Variants in IHO1 observed in about 807,000 individuals in gnomAD.
The protein encoded by IHO1 is interactor of HORMAD1 1, also known as interactor of HORMAD1 protein 1.
In IHO1, 13 loss-of-function variants were observed where a neutral mutation model predicts 31.0. The ratio of observed to expected loss-of-function variants is 0.42; its 90% CI spans 0.27 to 0.67. The LOEUF (loss-of-function observed/expected upper bound fraction) is 0.67. Among genes scored for constraint, IHO1 ranks in the 30% least tolerant of loss-of-function variants. The pLI is 0.24. For missense variants in IHO1, 599 were observed against 687.5 expected (o/e 0.87, Z 1.44); for synonymous variants, 221 against 248.4 (o/e 0.89, Z 1.04).
rs1049431249 is a variant in IHO1, at chr3:49,201,313, A to C, written c.-16+1740A>C. 4.6e-5 allele frequency among the ~76,000 whole-genome samples: 7 copies of C among 151,266 alleles called. 1 individual carries two copies. Among genetic ancestry groups the C allele is most frequent in the African/African-American group, 1.7e-4 (7 of 41,388 alleles). On this transcript the variant is annotated intron_variant, in intron 1 of 7. Transcript: ENST00000452691. ...CGGCCATTTACCACAATTTTTAAAAATTGGGCCGAGTTGGCTGTGCGCGGT... is the reference window on the plus strand; with the variant it reads ...CGGCCATTTACCACAATTTTTAAAACTTGGGCCGAGTTGGCTGTGCGCGGT...
intron 4 of IHO1, 135 bp downstream of exon 4, chr3:49,241,524 G>A: frequency 1.6e-6 from 1 of 642,240 alleles, no homozygotes; most frequent in Non-Finnish European, 2.6e-6. Context: ...CAAACCATAG[G>A]ACTTACACAC....
In IHO1 at chr3:49,255,505, C is replaced by T. The variant is rs753787087; in HGVS notation, c.636+12C>T. 12 of 1,541,034 alleles carry T rather than the reference C, an allele frequency of 7.8e-6. No individual in the cohort carries two copies. In the Admixed American group the frequency reaches 1.9e-4, roughly 24 times the overall value. On this transcript the variant is annotated intron_variant, in intron 7 of 7. Coordinates refer to ENST00000452691, the MANE Select transcript of IHO1 (RefSeq NM_001135197.2). ...AAAGATTTGAAGCTGTAAGTGTAAA[C>T]CCCAACCTCTTTCTAAGTGTGTTTT...
intron 2 of IHO1, among the ~76,000 whole-genome samples, chr3:49,223,137 C>A (rs1343397626): frequency 6.6e-6 from 1 of 152,116 alleles, no homozygotes; most frequent in Non-Finnish European, 1.5e-5. Context: ...AGTAGGAGGT[C>A]ATTTGTGATA....
intron 1 of IHO1, among the ~76,000 whole-genome samples, chr3:49,208,589 C>G (rs916765811): frequency 2.0e-5 from 3 of 152,202 alleles, no homozygotes; most frequent in African/African-American, 7.2e-5. Flanking sequence ...TGCCCTAGGA[C>G]TCAAGGTCAG....
At position 49,244,410 on chromosome 3, in the gene IHO1, T is replaced by G. The variant is rs1385129862; in HGVS notation, c.402T>G (p.Thr134=). 6 of 1,550,108 alleles carry G rather than the reference T, an allele frequency of 3.9e-6. No individual in the cohort carries two copies. The highest frequency in any genetic ancestry group is 5.3e-6 in the Non-Finnish European group (6 of 1,131,644). The part of the protein sequence containing the change: ...KRAKDKCDSE[T]LYNFVSNVRE... Reference sequence around the variant, plus strand: ...TTTTTCCCTCCTATTCTAGTGAGACTCTATACAACTTTGTTTCTAATGTTA... The same window carrying G: ...TTTTTCCCTCCTATTCTAGTGAGACGCTATACAACTTTGTTTCTAATGTTA... The change falls in exon 5 of 8, where the codon ACT becomes ACG. Residue 134 remains threonine, a synonymous_variant. Coordinates refer to ENST00000452691, the MANE Select transcript of IHO1 (RefSeq NM_001135197.2).
chr3:49,237,928 T>C (rs1056366255), intron 3 of IHO1, among the ~76,000 whole-genome samples: 1 of 112,632 alleles, frequency 8.9e-6, no homozygotes, highest in African/African-American at 3.4e-5. Context: ...TGAGACAGAG[T>C]CTTGCTCTGT....
chr3:49,211,673 G>A (rs1488167826), intron 1 of IHO1, 93 bp from the exon 2 acceptor site: 3 of 500,048 alleles, frequency 6.0e-6, no homozygotes, highest in Non-Finnish European at 1.1e-5. Flanking sequence ...TATAGCTGCT[G>A]GAATGTCTTC....
chr3:49,246,427 T>C (rs1368001270), intron 6 of IHO1, among the ~76,000 whole-genome samples: 1 of 152,030 alleles, frequency 6.6e-6, no homozygotes, highest in Non-Finnish European at 1.5e-5. Flanking sequence ...GGAGGATCAC[T>C]TGAGGCCAGG....
At position 49,244,413 on chromosome 3, in the gene IHO1, A is replaced by G. The variant is rs758268424; in HGVS notation, c.405A>G (p.Leu135=). 44 of 1,554,754 alleles carry G rather than the reference A, an allele frequency of 2.8e-5. No homozygotes were observed. Among genetic ancestry groups the G allele is most frequent in the Non-Finnish European group, 3.3e-5 (37 of 1,136,724 alleles). ...TTCCCTCCTATTCTAGTGAGACTCTATACAACTTTGTTTCTAATGTTAGAG... is the reference window on the plus strand; with the variant it reads ...TTCCCTCCTATTCTAGTGAGACTCTGTACAACTTTGTTTCTAATGTTAGAG... The part of the protein sequence containing the change: ...RAKDKCDSET[L]YNFVSNVRES... The change falls in exon 5 of 8, where the codon CTA becomes CTG. Residue 135 remains leucine, a synonymous_variant. Transcript: ENST00000452691.
intron 1 of IHO1, among the ~76,000 whole-genome samples, chr3:49,201,175 A>G (rs1372568215): frequency 6.6e-6 from 1 of 151,934 alleles, no homozygotes; most frequent in African/African-American, 2.4e-5. Flanking sequence ...TTGCATTTTT[A>G]GTAGAAACGG....
chr3:49,215,055 C>CTT (rs879326053), intron 2 of IHO1, among the ~76,000 whole-genome samples: 42 of 141,472 alleles, frequency 3.0e-4, no homozygotes, highest in African/African-American at 1.0e-3. Context: ...TGCCTTCTCT[C>CTT]TTTTTTTTTT....
At chr3:49,206,294 C>T (rs1164004514) in intron 1 of IHO1, among the ~76,000 whole-genome samples, 1 of 151,450 alleles carries the variant, frequency 6.6e-6, no homozygotes, top group African/African-American at 2.4e-5. Context: ...GATGGGATTT[C>T]ACCATATTGG....
upstream of IHO1, among the ~76,000 whole-genome samples, chr3:49,196,113 C>CT (rs1349401941): frequency 2.0e-5 from 3 of 150,760 alleles, no homozygotes; most frequent in Non-Finnish European, 4.4e-5. Flanking sequence ...TGGCAGGTGC[C>CT]TGTAGTCCCA....
chr3:49,220,771 G>A (rs2046344889), intron 2 of IHO1, among the ~76,000 whole-genome samples: 1 of 152,192 alleles, frequency 6.6e-6, no homozygotes, highest in Admixed American at 6.5e-5. Flanking sequence ...AGGAGGCTGA[G>A]GCAGGAGAAT....
At chr3:49,217,573 C>T (rs2046304537) in intron 2 of IHO1, among the ~76,000 whole-genome samples, 1 of 150,982 alleles carries the variant, frequency 6.6e-6, no homozygotes, top group Non-Finnish European at 1.5e-5. Flanking sequence ...AGCAAACCAA[C>T]ATGGCACATG....
At chr3:49,192,337 G>A in the IHO1 span, among the ~76,000 whole-genome samples, 1 of 152,170 alleles carries the variant, frequency 6.6e-6, no homozygotes, top group Non-Finnish European at 1.5e-5. Context: ...ACAGAAGAAG[G>A]AACATGCAAA....
intron 2 of IHO1, among the ~76,000 whole-genome samples, chr3:49,225,386 CCA>C (rs959904506): frequency 2.0e-5 from 3 of 152,106 alleles, no homozygotes; most frequent in Non-Finnish European, 4.4e-5. Flanking sequence ...TCACTTGAAC[CCA>C]GGAGGCAGAG....
chr3:49,248,411 T>C (rs915400881), intron 6 of IHO1, among the ~76,000 whole-genome samples: 2 of 129,238 alleles, frequency 1.5e-5, no homozygotes, highest in African/African-American at 6.0e-5. Flanking sequence ...AGAACCAGAC[T>C]CTCTCAAAAA....
chr3:49,200,447 AGAGTGAGACTCGG>A (rs1482764840), intron 1 of IHO1: 1 of 378,492 alleles, frequency 2.6e-6, no homozygotes, highest in Non-Finnish European at 3.5e-6. Context: ...CCTGGGCGAC[AGAGTGAGACTCGG>A]TCTCAAAAAA....
Sources: gnomAD v4.1 joint callset for allele counts (sites outside exome capture counted in the v4.1 genomes callset) on GRCh38, gnomAD v4.1.1 for gene constraint, MANE v1.5 for transcripts, NCBI Gene and HGNC (gene_info 2026-07-23, HGNC 2026-07-21) for gene names.